The following STAU1 variants were observed in gnomAD, a reference collection of about 807,000 sequenced individuals.
The protein encoded by STAU1 is staufen double-stranded RNA binding protein 1.
In STAU1, 13 loss-of-function variants were observed where a neutral mutation model predicts 62.9. The ratio of observed to expected loss-of-function variants is 0.21; its 90% CI spans 0.13 to 0.33. STAU1 has a LOEUF of 0.33. Among genes scored for constraint, STAU1 ranks in the 10% least tolerant of loss-of-function variants. STAU1 has a pLI of 1.00. For missense variants in STAU1, 571 were observed against 712.1 expected (o/e 0.80, Z 2.25); for synonymous variants, 269 against 265.1 (o/e 1.01, Z -0.14).
chr20:49,132,607 A>C (rs901691838), intron 6 of STAU1, among the ~76,000 whole-genome samples: 35 of 152,214 alleles, frequency 2.3e-4, no homozygotes, highest in African/African-American at 8.4e-4. Flanking sequence ...AAAAATACAA[A>C]AATTAGTGAG....
In STAU1 at chr20:49,123,077, T is replaced by C. The variant is rs1409359775; in HGVS notation, c.966+15A>G. 6.4e-7 allele frequency: 1 copy of C among 1,566,464 alleles called. No homozygotes were observed. The highest frequency in any genetic ancestry group is 8.6e-7 in the Non-Finnish European group (1 of 1,157,002). Reference sequence around the variant, plus strand: ...TGGTCAGAGGAAGGGGCGCCCATCATCCATGCGGACCCACCTGCATCACAA... The same window carrying C: ...TGGTCAGAGGAAGGGGCGCCCATCACCCATGCGGACCCACCTGCATCACAA... On this transcript the variant is annotated intron_variant, in intron 8 of 13. Transcript: ENST00000371856.
chr20:49,138,087 G>C (rs1325117481), intron 5 of STAU1, among the ~76,000 whole-genome samples: 2 of 152,086 alleles, frequency 1.3e-5, no homozygotes, highest in Non-Finnish European at 2.9e-5. Context: ...TTTGAGACCA[G>C]CGTGGGCAAC....
intron 1 of STAU1, among the ~76,000 whole-genome samples, chr20:49,181,464 A>T (rs980336490): frequency 6.6e-6 from 1 of 152,160 alleles, no homozygotes; most frequent in South Asian, 2.1e-4. Flanking sequence ...TTCTGTAGCT[A>T]CATCAAGTAT....
chr20:49,149,657 T>C (rs935096270), intron 5 of STAU1, among the ~76,000 whole-genome samples: 1 of 152,244 alleles, frequency 6.6e-6, no homozygotes, highest in Non-Finnish European at 1.5e-5. Context: ...AAGCTCATTC[T>C]TTTAACTTCA....
the STAU1 span, among the ~76,000 whole-genome samples, chr20:49,195,746 A>G: frequency 6.6e-6 from 1 of 150,434 alleles, no homozygotes; most frequent in East Asian, 2.0e-4. Context: ...TCTACTAAAA[A>G]TACAAAATTA....
At chr20:49,174,599 T>G (rs1372094209) in intron 1 of STAU1, among the ~76,000 whole-genome samples, 1 of 151,672 alleles carries the variant, frequency 6.6e-6, no homozygotes, top group Non-Finnish European at 1.5e-5. Flanking sequence ...CTCATGCCTG[T>G]AATCCCAGCA....
intron 13 of STAU1, 88 bp downstream of exon 13, chr20:49,115,694 C>A: frequency 8.7e-7 from 1 of 1,155,232 alleles, no homozygotes; most frequent in Admixed American, 1.8e-5. Flanking sequence ...AAATATTTCC[C>A]CGCTGAGTCA....
At chr20:49,181,527 G>A (rs1431857991) in intron 1 of STAU1, among the ~76,000 whole-genome samples, 1 of 152,086 alleles carries the variant, frequency 6.6e-6, no homozygotes, top group Non-Finnish European at 1.5e-5. Flanking sequence ...CACTTTGCGA[G>A]GCTAAGGCAG....
chr20:49,130,694 C>CA (rs2092730458), intron 6 of STAU1, among the ~76,000 whole-genome samples: 1 of 152,174 alleles, frequency 6.6e-6, no homozygotes, highest in African/African-American at 2.4e-5. Flanking sequence ...TGCCAAAAAT[C>CA]ATAATTTTGA....
In STAU1 at chr20:49,166,174, T is replaced by C; in HGVS notation, c.28A>G (p.Asn10Asp). The C allele has an allele frequency of 6.2e-7, 1 of 1,614,190 alleles. No homozygotes were observed. Among genetic ancestry groups the C allele is most frequent in the Non-Finnish European group, 8.5e-7 (1 of 1,180,038 alleles). ...CTCCCTGAGAGAGCAGCAGATGGGT[T>C]CTGAACTTGCACTTGAACTTGAGAC... MSQVQVQVQ[N>D]PSAALSGSQI... The change falls in exon 3 of 14, where the codon AAC (asparagine) becomes GAC (aspartate). Residue 10 changes from asparagine to aspartate, a missense_variant. Asn to Asp is a conservative substitution (Grantham distance 23). Coordinates refer to ENST00000371856, the MANE Select transcript of STAU1 (RefSeq NM_017453.4).
the STAU1 span, among the ~76,000 whole-genome samples, chr20:49,199,737 T>C: frequency 2.0e-5 from 3 of 151,894 alleles, no homozygotes; most frequent in Non-Finnish European, 4.4e-5. Flanking sequence ...CACGCCCAGC[T>C]AAGTTTTGTA....
chr20:49,128,773 C>CAAAAAAAA (rs34891670), intron 6 of STAU1, among the ~76,000 whole-genome samples: 44 of 102,588 alleles, frequency 4.3e-4, no homozygotes, highest in African/African-American at 1.3e-3. Flanking sequence ...CATCCAAATC[C>CAAAAAAAA]AAAAAAAAAA....
At chr20:49,194,223 C>T in the STAU1 span, among the ~76,000 whole-genome samples, 1 of 151,802 alleles carries the variant, frequency 6.6e-6, no homozygotes, top group African/African-American at 2.4e-5. Flanking sequence ...GAGATTGGGA[C>T]TTGAGAGACC....
intron 5 of STAU1, among the ~76,000 whole-genome samples, chr20:49,144,906 A>C (rs1476334234): frequency 6.6e-6 from 1 of 152,224 alleles, no homozygotes; most frequent in African/African-American, 2.4e-5. Context: ...GTGGAATAAC[A>C]AATAGCAAAA....
intron 1 of STAU1, among the ~76,000 whole-genome samples, chr20:49,176,863 GTT>G (rs1260250335): frequency 6.7e-6 from 1 of 150,302 alleles, no homozygotes; most frequent in Admixed American, 6.6e-5. Context: ...TCTAGTTTTT[GTT>G]TTGTTTCCAA....
intron 7 of STAU1, among the ~76,000 whole-genome samples, chr20:49,124,057 G>A (rs1228880550): frequency 5.9e-5 from 9 of 152,196 alleles, no homozygotes; most frequent in African/African-American, 2.2e-4. Flanking sequence ...CTGAGACACA[G>A]GCACTGTTAT....
chr20:49,178,847 G>A lies in STAU1; in HGVS notation c.-159-4578C>T, dbSNP rs1273045345. 6.0e-5 allele frequency among the ~76,000 whole-genome samples: 9 copies of A among 150,482 alleles called. No individual in the cohort carries two copies. The East Asian group carries it at 1.8e-3, about 30-fold the overall frequency. The stretch of plus-strand genomic sequence containing the variant: ...CCAGCACTTTGGGAGGCCAAGGCGA[G>A]TGGATCACAAGGTCAGGAGATCAAA... On this transcript the variant is annotated intron_variant, in intron 1 of 13. Transcript: ENST00000371856.
chr20:49,166,423 G>T, intron 2 of STAU1, 138 bp from the exon 3 acceptor site: 1 of 547,716 alleles, frequency 1.8e-6, no homozygotes, highest in South Asian at 2.2e-5. Flanking sequence ...TGATTTATTC[G>T]AAATATGTTT....
chr20:49,115,324 G>A (rs1035171584), intron 13 of STAU1, among the ~76,000 whole-genome samples: 3 of 151,870 alleles, frequency 2.0e-5, no homozygotes, highest in South Asian at 2.1e-4. Context: ...TTTTTGGGAC[G>A]GAGTCTTGCT....
Sources: gnomAD v4.1 joint callset for allele counts (sites outside exome capture counted in the v4.1 genomes callset) on GRCh38, gnomAD v4.1.1 for gene constraint, MANE v1.5 for transcripts, NCBI Gene and HGNC (gene_info 2026-07-23, HGNC 2026-07-21) for gene names.